The following EMB variants were observed in gnomAD, a reference collection of about 807,000 sequenced individuals.
EMB encodes embigin homolog.
Under a neutral mutation model 41.4 loss-of-function variants are expected in EMB, and 31 were observed. The ratio of observed to expected loss-of-function variants is 0.75; its 90% CI spans 0.56 to 1.01. The LOEUF is 1.01. Ranked by LOEUF, EMB falls within the 50% of genes least tolerant of loss-of-function variation. EMB has a pLI of 0.00. For synonymous variants in EMB, 137 were observed against 140.4 expected, an observed-to-expected ratio of 0.98 and a Z score of 0.17; for missense variants, 379 against 388.3, an observed-to-expected ratio of 0.98 and a Z score of 0.20.
In EMB at chr5:50,398,782, T is replaced by C. The variant is rs1277239175; in HGVS notation, c.*491A>G. On this transcript the variant is annotated 3_prime_UTR_variant, in exon 9 of 9. Transcript: ENST00000303221. ...GCAGAAAGTATTCATTTCAACTTAG[T>C]AAAGACATATTTTTTCACTATCACA... The C allele has an allele frequency of 6.6e-6, 1 of 152,400 alleles. No individual in the cohort carries two copies. The highest frequency in any genetic ancestry group is 1.5e-5 in the Non-Finnish European group (1 of 67,996). The allele number at this position is 152,400 out of a possible 1,614,324, so 9.4% of individuals were successfully genotyped here. A position where few individuals can be genotyped will look rare whatever the true frequency, so the allele number is the denominator to read the frequency against.
chr5:50,440,582 G>C (rs1745886878), intron 1 of EMB, among the ~76,000 whole-genome samples: 1 of 147,938 alleles, frequency 6.8e-6, no homozygotes, highest in South Asian at 2.1e-4. Flanking sequence ...CAACCCACCT[G>C]CCAAGAGGAG....
At chr5:50,419,532 T>TACATACACAC (rs1554024692) in intron 2 of EMB, among the ~76,000 whole-genome samples, 4 of 139,170 alleles carry the variant, frequency 2.9e-5, no homozygotes, top group African/African-American at 8.7e-5. Context: ...GAACCCCCAC[T>TACATACACAC]ACATACACAC....
upstream of EMB, chr5:50,443,045 G>T (rs1745940211): frequency 6.6e-6 from 1 of 152,262 alleles, no homozygotes; most frequent in African/African-American, 2.4e-5. Context: ...CATTTTGAAA[G>T]TCTTTTCATC....
chr5:50,402,323 T>C lies in EMB; in HGVS notation c.878-4A>G. 6.2e-7 allele frequency: 1 copy of C among 1,609,538 alleles called. No homozygotes were observed. The highest frequency in any genetic ancestry group is 8.5e-7 in the Non-Finnish European group (1 of 1,176,774). On this transcript the variant is annotated splice_region_variant and splice_polypyrimidine_tract_variant and intron_variant, in intron 6 of 8. Coordinates refer to ENST00000303221, the MANE Select transcript of EMB (RefSeq NM_198449.3). ...TGCTCAAATTCTTTCCCCTCATCTG[T>C]GTAACAAAAGAAGAATTTGACTGTG...
At chr5:50,439,899 T>C (rs1579748509) in intron 1 of EMB, among the ~76,000 whole-genome samples, 2 of 152,136 alleles carry the variant, frequency 1.3e-5, no homozygotes, top group African/African-American at 4.8e-5. Context: ...TGAGAGGTGG[T>C]CTTTTATTAC....
chr5:50,423,234 T>G (rs1323976896), intron 2 of EMB, among the ~76,000 whole-genome samples: 2 of 151,970 alleles, frequency 1.3e-5, no homozygotes, highest in Non-Finnish European at 2.9e-5. Context: ...CAATACTAGT[T>G]TTTATGGATG....
chr5:50,423,770 G>A (rs1044884687), intron 2 of EMB, among the ~76,000 whole-genome samples: 1 of 152,160 alleles, frequency 6.6e-6, no homozygotes, highest in Non-Finnish European at 1.5e-5. Flanking sequence ...AATTTAAACT[G>A]TGTTGAGGAC....
upstream of EMB, chr5:50,442,977 T>C (rs1399543476): frequency 1.3e-5 from 2 of 152,202 alleles, no homozygotes; most frequent in Non-Finnish European, 2.9e-5. Flanking sequence ...TCCCCACTGT[T>C]GCTTTTGCTG....
At chr5:50,411,082 T>C (rs1353478339) in intron 3 of EMB, 115 bp downstream of exon 3, 3 of 1,158,096 alleles carry the variant, frequency 2.6e-6, no homozygotes, top group Non-Finnish European at 3.6e-6. Context: ...ATATGCAAAT[T>C]AGAATATTAG....
chr5:50,415,025 G>C (rs1462617731), intron 2 of EMB, among the ~76,000 whole-genome samples: 4 of 152,018 alleles, frequency 2.6e-5, no homozygotes, highest in Non-Finnish European at 5.9e-5. Context: ...TACAGCTCCA[G>C]GTGTCTACGG....
chr5:50,409,494 A>C (rs1025655435), intron 4 of EMB, among the ~76,000 whole-genome samples: 2 of 152,074 alleles, frequency 1.3e-5, no homozygotes, highest in Admixed American at 6.6e-5. Context: ...ATATTTTTTA[A>C]AAACTCAATA....
chr5:50,425,771 C>A (rs1405127143), intron 2 of EMB, among the ~76,000 whole-genome samples: 1 of 143,314 alleles, frequency 7.0e-6, no homozygotes, highest in Admixed American at 6.9e-5. Context: ...GCAACCTCCG[C>A]CTCCCAGGTT....
chr5:50,405,034 G>A (rs985176949), intron 5 of EMB, among the ~76,000 whole-genome samples: 2 of 151,898 alleles, frequency 1.3e-5, no homozygotes, highest in African/African-American at 4.8e-5. Flanking sequence ...GCAAAGGAAG[G>A]GTGTCTCTTA....
chr5:50,402,402 A>G (rs1237127913), intron 6 of EMB, 83 bp from the exon 7 acceptor site: 11 of 1,222,264 alleles, frequency 9.0e-6, no homozygotes, highest in Non-Finnish European at 1.3e-5. Context: ...CCTCCTTCCT[A>G]AGTAAGTAAG....
intron 7 of EMB, among the ~76,000 whole-genome samples, chr5:50,400,169 T>C (rs1745138215): frequency 6.6e-6 from 1 of 151,974 alleles, no homozygotes; most frequent in South Asian, 2.1e-4. Flanking sequence ...CAAGCATGAG[T>C]GAGGACTTGG....
intron 1 of EMB, among the ~76,000 whole-genome samples, chr5:50,437,013 A>G (rs1483536057): frequency 6.6e-6 from 1 of 152,218 alleles, no homozygotes; most frequent in African/African-American, 2.4e-5. Context: ...GCTCTCGCCT[A>G]TAATCCCAAC....
chr5:50,436,601 T>A (rs748149530), intron 1 of EMB, among the ~76,000 whole-genome samples: 16 of 152,162 alleles, frequency 1.1e-4, no homozygotes, highest in Non-Finnish European at 1.5e-4. Flanking sequence ...AAAGCCTTGT[T>A]AAACTTGCTC....
chr5:50,407,113 GTTGTT>G (rs1745261401), intron 4 of EMB, among the ~76,000 whole-genome samples: 1 of 151,850 alleles, frequency 6.6e-6, no homozygotes, highest in East Asian at 1.9e-4. Context: ...GCTTTCCCAG[GTTGTT>G]TATCTCTCAG....
At chr5:50,407,832 C>T (rs1392987364) in intron 4 of EMB, among the ~76,000 whole-genome samples, 1 of 151,944 alleles carries the variant, frequency 6.6e-6, no homozygotes, top group Non-Finnish European at 1.5e-5. Context: ...GGTGAAATTG[C>T]TGATTCAGGC....
Sources: gnomAD v4.1 joint callset for allele counts (sites outside exome capture counted in the v4.1 genomes callset) on GRCh38, gnomAD v4.1.1 for gene constraint, MANE v1.5 for transcripts, NCBI Gene and HGNC (gene_info 2026-07-23, HGNC 2026-07-21) for gene names.